Variants in GNB1 observed in about 807,000 individuals in gnomAD.
GNB1 encodes the protein guanine nucleotide-binding protein G(I)/G(S)/G(T) subunit beta-1.
Under a neutral mutation model 42.9 loss-of-function variants are expected in GNB1, and 2 were observed. The observed-to-expected ratio is 0.05, with a 90% confidence interval of 0.02 to 0.15. The LOEUF is 0.15. GNB1 is among the 10% of genes least tolerant of loss of function. GNB1 has a pLI of 1.00. For missense variants in GNB1, 193 were observed against 462.2 expected (o/e 0.42, Z 5.34); for synonymous variants, 183 against 174.7 (o/e 1.05, Z -0.38).
In GNB1 at chr1:1,793,265, G is replaced by A. The variant is rs1646504739; in HGVS notation, c.477C>T (p.Thr159=). 2 of 1,612,898 alleles carry A rather than the reference G, an allele frequency of 1.2e-6. No individual in the cohort carries two copies. Among genetic ancestry groups the A allele is most frequent in the Admixed American group, 1.7e-5 (1 of 59,944 alleles). The change falls in exon 8 of 12, where the codon ACC becomes ACT. Residue 159 remains threonine, a synonymous_variant. Coordinates refer to ENST00000378609, the MANE Select transcript of GNB1 (RefSeq NM_002074.5). ...CTTACCACGTGGTGTCTCCAGAGCT[G>A]GTGACGATCTGATTGTCATCCAGGA... ...CRFLDDNQIV[T]SSGDTTCALW...
chr1:1,850,077 T>C (rs1647899017), intron 1 of GNB1, among the ~76,000 whole-genome samples: 1 of 151,972 alleles, frequency 6.6e-6, no homozygotes, highest in South Asian at 2.1e-4. Context: ...CAAGTGATTG[T>C]CCTGCCTCAG....
At chr1:1,873,963 T>C in intron 1 of GNB1, among the ~76,000 whole-genome samples, 1 of 152,178 alleles carries the variant, frequency 6.6e-6, no homozygotes, top group Non-Finnish European at 1.5e-5. Context: ...CATACCTGCC[T>C]CTAGGGGACT....
chr1:1,808,602 T>G (rs1266125364), intron 5 of GNB1, among the ~76,000 whole-genome samples: 3 of 151,996 alleles, frequency 2.0e-5, no homozygotes, highest in Admixed American at 1.3e-4. Context: ...ATTTTTAATT[T>G]TAAAGTTTCT....
chr1:1,789,029 C>T (rs372190992), intron 10 of GNB1, 24 bp downstream of exon 10: 99 of 1,546,026 alleles, frequency 6.4e-5, no homozygotes, highest in Middle Eastern at 1.7e-4. Context: ...CCACAAGACA[C>T]AGAAAGGCCC....
chr1:1,890,960 C>A lies in GNB1; in HGVS notation c.-236G>T. 6.7e-6 allele frequency: 1 copy of A among 148,316 alleles called. No individual in the cohort carries two copies. The highest frequency in any genetic ancestry group is 1.8e-4 in the South Asian group (1 of 5,660). 9.2% of individuals were successfully genotyped at this position (148,316 alleles called of 1,614,324 possible). The stretch of plus-strand genomic sequence containing the variant: ...CCGGCGAGGCTCGGTCCAGTCCCGC[C>A]GCGGCGGCTGCTCCACTCCCGGCCC... On this transcript the variant is annotated 5_prime_UTR_variant, in exon 1 of 12. Coordinates refer to ENST00000378609, the MANE Select transcript of GNB1 (RefSeq NM_002074.5).
intron 7 of GNB1, among the ~76,000 whole-genome samples, chr1:1,803,707 G>C (rs1646656283): frequency 6.6e-6 from 1 of 152,164 alleles, no homozygotes; most frequent in African/African-American, 2.4e-5. Flanking sequence ...CATAAGGCCG[G>C]GCGCAGCGGC....
chr1:1,845,005 C>T (rs1019035411), intron 1 of GNB1, among the ~76,000 whole-genome samples: 2 of 152,174 alleles, frequency 1.3e-5, no homozygotes, highest in African/African-American at 4.8e-5. Flanking sequence ...TGAAATAATA[C>T]TGAACTTAAT....
At chr1:1,865,217 A>T (rs192969061) in intron 1 of GNB1, among the ~76,000 whole-genome samples, 1 of 145,766 alleles carries the variant, frequency 6.9e-6, no homozygotes, top group East Asian at 2.0e-4. Flanking sequence ...AGCAGAGATC[A>T]CGCCACAGAA....
At chr1:1,860,372 G>A (rs2101639096) in intron 1 of GNB1, among the ~76,000 whole-genome samples, 1 of 152,152 alleles carries the variant, frequency 6.6e-6, no homozygotes, top group East Asian at 1.9e-4. Flanking sequence ...ACCCAAACTT[G>A]AGCATCATGC....
intron 1 of GNB1, among the ~76,000 whole-genome samples, chr1:1,880,885 A>G (rs1649806534): frequency 6.6e-6 from 1 of 150,568 alleles, no homozygotes; most frequent in African/African-American, 2.4e-5. Flanking sequence ...GTGTCCATGG[A>G]GCTTAGAAGA....
At chr1:1,888,096 T>C (rs1650254852) in intron 1 of GNB1, among the ~76,000 whole-genome samples, 1 of 152,202 alleles carries the variant, frequency 6.6e-6, no homozygotes, top group African/African-American at 2.4e-5. Context: ...TGAAGAGCAC[T>C]GTCAGTACTT....
intron 1 of GNB1, chr1:1,890,484 G>A (rs903514643): frequency 2.0e-5 from 3 of 148,276 alleles, no homozygotes; most frequent in Non-Finnish European, 4.5e-5. Context: ...CGCAGGGCCC[G>A]GCCCCGCCCG....
At chr1:1,826,413 T>A (rs1359793134) in intron 2 of GNB1, among the ~76,000 whole-genome samples, 2 of 151,940 alleles carry the variant, frequency 1.3e-5, no homozygotes, top group Admixed American at 6.6e-5. Context: ...CGAGACTCCA[T>A]CTCAAAATAA....
chr1:1,858,696 A>G (rs1277810497), intron 1 of GNB1, among the ~76,000 whole-genome samples: 1 of 152,304 alleles, frequency 6.6e-6, no homozygotes, highest in East Asian at 1.9e-4. Context: ...CTCAGAGGAC[A>G]CCGAAAGACA....
chr1:1,800,817 A>G (rs1054615946), intron 7 of GNB1, among the ~76,000 whole-genome samples: 2 of 152,180 alleles, frequency 1.3e-5, no homozygotes, highest in Admixed American at 6.5e-5. Flanking sequence ...CTAGATATCC[A>G]GCAAAAATAC....
chr1:1,863,631 C>G (rs908802750), intron 1 of GNB1, among the ~76,000 whole-genome samples: 5 of 152,188 alleles, frequency 3.3e-5, no homozygotes, highest in African/African-American at 1.2e-4. Flanking sequence ...AAACAAAAAC[C>G]CACAGGACTC....
intron 2 of GNB1, among the ~76,000 whole-genome samples, chr1:1,831,609 T>G (rs1048925723): frequency 6.6e-6 from 1 of 151,736 alleles, no homozygotes; most frequent in African/African-American, 2.4e-5. Context: ...CCACCACACC[T>G]GGCTAATTTT....
At chr1:1,792,820 C>T (rs986523203) in intron 8 of GNB1, among the ~76,000 whole-genome samples, 1 of 151,946 alleles carries the variant, frequency 6.6e-6, no homozygotes, top group African/African-American at 2.4e-5. Flanking sequence ...AATCCCAGCA[C>T]TTTGGGAGGC....
At chr1:1,834,448 T>G (rs939045312) in intron 2 of GNB1, among the ~76,000 whole-genome samples, 2 of 152,156 alleles carry the variant, frequency 1.3e-5, no homozygotes, top group Admixed American at 1.3e-4. Context: ...TAGCACATAC[T>G]AGGACAATTG....
Sources: allele counts gnomAD v4.1 joint callset (sites outside exome capture counted in the v4.1 genomes callset), GRCh38; gene constraint gnomAD v4.1.1; transcripts MANE v1.5; gene names NCBI Gene and HGNC (gene_info 2026-07-23, HGNC 2026-07-21).